FMNL2: variants seen among roughly 807,000 people sequenced by gnomAD.
FMNL2 encodes the protein formin like 2.
FMNL2 carries 51 observed loss-of-function variants against 130.2 expected under a neutral mutation model. That is an observed-to-expected ratio of 0.39 (90% CI 0.31 to 0.49). The LOEUF (loss-of-function observed/expected upper bound fraction) is 0.49. Ranked by LOEUF, FMNL2 falls within the 20% of genes least tolerant of loss-of-function variation. The pLI is 0.85. For synonymous variants in FMNL2, 465 were observed against 467.1 expected (o/e 1.00, Z 0.06); for missense variants, 977 against 1,316.2 (o/e 0.74, Z 3.99).
intron 1 of FMNL2, among the ~76,000 whole-genome samples, chr2:152,336,603 C>T (rs1356615093): frequency 6.6e-6 from 1 of 152,158 alleles, no homozygotes; most frequent in African/African-American, 2.4e-5. Flanking sequence ...GTCTGGGCCC[C>T]TCCCAGCCGA....
chr2:152,640,670 A>ATG (rs754574287), intron 24 of FMNL2, 121 bp from the exon 25 acceptor site: 2 of 1,200,640 alleles, frequency 1.7e-6, no homozygotes, highest in Non-Finnish European at 2.3e-6. Flanking sequence ...AGAATGTGGG[A>ATG]TGTGTGTGTG....
chr2:152,364,529 C>T (rs1202554987), intron 1 of FMNL2, among the ~76,000 whole-genome samples: 1 of 152,098 alleles, frequency 6.6e-6, no homozygotes, highest in South Asian at 2.1e-4. Flanking sequence ...TTGAGACAAT[C>T]TAGTGCAACA....
At chr2:152,640,292 C>T (rs1369660432) in intron 24 of FMNL2, among the ~76,000 whole-genome samples, 1 of 152,154 alleles carries the variant, frequency 6.6e-6, no homozygotes, top group Non-Finnish European at 1.5e-5. Context: ...ACATCTGGAA[C>T]TTAGTTGGAT....
intron 1 of FMNL2, among the ~76,000 whole-genome samples, chr2:152,377,173 G>A (rs1684222005): frequency 6.6e-6 from 1 of 152,234 alleles, no homozygotes; most frequent in African/African-American, 2.4e-5. Context: ...TAGATTATTT[G>A]TGATTATTCA....
intron 1 of FMNL2, among the ~76,000 whole-genome samples, chr2:152,336,263 T>G (rs1269499891): frequency 6.6e-6 from 1 of 151,922 alleles, no homozygotes; most frequent in Admixed American, 6.5e-5. Flanking sequence ...ACGTCGCGGC[T>G]TGGCCAAGGG....
chr2:152,632,622 T>G (rs1682253094), intron 21 of FMNL2, among the ~76,000 whole-genome samples: 1 of 152,214 alleles, frequency 6.6e-6, no homozygotes, highest in South Asian at 2.1e-4. Context: ...TCTGTGACTC[T>G]AAGATAGCTG....
chr2:152,407,286 A>C (rs936884708), intron 1 of FMNL2, among the ~76,000 whole-genome samples: 1 of 152,022 alleles, frequency 6.6e-6, no homozygotes, highest in South Asian at 2.1e-4. Flanking sequence ...TAGGGTGAAC[A>C]TAACATCAAT....
intron 1 of FMNL2, among the ~76,000 whole-genome samples, chr2:152,418,921 G>A (rs1045874123): frequency 1.3e-5 from 2 of 151,458 alleles, no homozygotes; most frequent in Admixed American, 1.3e-4. Flanking sequence ...AGCAATGCAC[G>A]AGGGTTCCGA....
In FMNL2 at chr2:152,335,361, T is replaced by A. The variant is rs543714764; in HGVS notation, c.-243T>A. 65 of 243,960 alleles carry A rather than the reference T, an allele frequency of 2.7e-4. No homozygotes were observed. The highest frequency in any genetic ancestry group is 1.4e-3 in the African/African-American group (60 of 43,872). 15.1% of individuals were successfully genotyped at this position (243,960 alleles called of 1,614,324 possible). ...AGGCGCCCAGCGCCCCAACTACCCC[T>A]CCCGAGGAAAAGAGGCCGGGGCCGC... On this transcript the variant is annotated 5_prime_UTR_variant, in exon 1 of 26. Coordinates refer to ENST00000288670, the MANE Select transcript of FMNL2 (RefSeq NM_052905.4).
chr2:152,617,247 CT>C, intron 13 of FMNL2, 55 bp downstream of exon 13: 1 of 1,512,012 alleles, frequency 6.6e-7, no homozygotes. Flanking sequence ...TGTACTCCAG[CT>C]TTCGTCCAGT....
chr2:152,487,784 C>CTT lies in FMNL2; in HGVS notation c.118-34146_118-34145dup, dbSNP rs752010491. The stretch of plus-strand genomic sequence containing the variant: ...TAAAACACTTTTAGATGAATTCTTT[C>CTT]TTTTTTTTTTTTTTCCTTTTTGAGA... On this transcript the variant is annotated intron_variant, in intron 1 of 25. Coordinates refer to ENST00000288670, the MANE Select transcript of FMNL2 (RefSeq NM_052905.4). Among the ~76,000 whole-genome samples the CTT allele has an allele frequency of 1.7e-4, 24 of 141,622 alleles. No individual in the cohort carries two copies. In the South Asian group the frequency reaches 2.3e-3, roughly 13 times the overall value. The allele number at this position is 141,622 out of a possible 152,430, so 92.9% of individuals were successfully genotyped here. A position where few individuals can be genotyped will look rare whatever the true frequency, so the allele number is the denominator to read the frequency against.
intron 1 of FMNL2, among the ~76,000 whole-genome samples, chr2:152,385,139 A>G (rs1439829609): frequency 1.3e-5 from 2 of 152,220 alleles, no homozygotes; most frequent in African/African-American, 4.8e-5. Context: ...GTTAATGCCT[A>G]TTTGTTAAAA....
At chr2:152,437,753 A>T (rs1419838293) in intron 1 of FMNL2, among the ~76,000 whole-genome samples, 3 of 152,332 alleles carry the variant, frequency 2.0e-5, no homozygotes. Context: ...AACAAAAGTG[A>T]CACAGTAGTC....
At chr2:152,453,209 G>A (rs558911665) in intron 1 of FMNL2, among the ~76,000 whole-genome samples, 1 of 145,188 alleles carries the variant, frequency 6.9e-6, no homozygotes, top group African/African-American at 2.8e-5. Flanking sequence ...CTTGGCGTCA[G>A]GGGGTGGGGG....
intron 1 of FMNL2, among the ~76,000 whole-genome samples, chr2:152,486,109 A>T (rs932512749): frequency 6.6e-6 from 1 of 152,006 alleles, no homozygotes; most frequent in East Asian, 1.9e-4. Flanking sequence ...GTTACTGGGA[A>T]CTGAGCTCAA....
intron 1 of FMNL2, among the ~76,000 whole-genome samples, chr2:152,356,678 A>G (rs1038810958): frequency 1.3e-5 from 2 of 151,130 alleles, no homozygotes; most frequent in African/African-American, 4.9e-5. Context: ...TTCAGCATGC[A>G]TACTGTACAC....
At chr2:152,641,024 G>A in intron 25 of FMNL2, 110 bp downstream of exon 25, 1 of 1,426,730 alleles carries the variant, frequency 7.0e-7, no homozygotes. Flanking sequence ...AAGTTCATTA[G>A]TTGACTTTAT....
At chr2:152,510,401 A>T (rs534622045) in intron 1 of FMNL2, among the ~76,000 whole-genome samples, 42 of 152,334 alleles carry the variant, frequency 2.8e-4, no homozygotes, top group Non-Finnish European at 5.4e-4. Flanking sequence ...AGAAGTCAGT[A>T]AAATAGAATG....
intron 9 of FMNL2, among the ~76,000 whole-genome samples, chr2:152,605,436 A>G (rs944250820): frequency 1.3e-5 from 2 of 152,078 alleles, no homozygotes; most frequent in African/African-American, 4.8e-5. Context: ...CTCCCACCTC[A>G]GTCTCCTGAG....
Sources: gnomAD v4.1 joint callset for allele counts (sites outside exome capture counted in the v4.1 genomes callset) on GRCh38, gnomAD v4.1.1 for gene constraint, MANE v1.5 for transcripts, NCBI Gene and HGNC (gene_info 2026-07-23, HGNC 2026-07-21) for gene names.